Variants in MYO5B observed in about 807,000 individuals in gnomAD.
The protein encoded by MYO5B is myosin VB.
Under a neutral mutation model 229.3 loss-of-function variants are expected in MYO5B, and 143 were observed. The ratio of observed to expected loss-of-function variants is 0.62; its 90% confidence interval spans 0.54 to 0.72. The LOEUF is 0.72. Among genes scored for constraint, MYO5B ranks in the 30% least tolerant of loss-of-function variants. The pLI is 0.00. For missense variants in MYO5B, 2,321 were observed against 2,331.0 expected, an observed-to-expected ratio of 1.00 and a Z score of 0.09; for synonymous variants, 918 against 885.2, an observed-to-expected ratio of 1.04 and a Z score of -0.66.
chr18:49,993,641 C>T (rs1344860690), intron 5 of MYO5B, among the ~76,000 whole-genome samples: 1 of 152,078 alleles, frequency 6.6e-6, no homozygotes, highest in Non-Finnish European at 1.5e-5. Flanking sequence ...TAGAGGATGC[C>T]AAGTTCCAAA....
chr18:50,139,755 C>A (rs1209079333), intron 1 of MYO5B, among the ~76,000 whole-genome samples: 1 of 152,146 alleles, frequency 6.6e-6, no homozygotes, highest in African/African-American at 2.4e-5. Flanking sequence ...CCCACCAGCT[C>A]CAAAGCAAAG....
At chr18:50,071,972 C>G (rs2030966747) in intron 1 of MYO5B, among the ~76,000 whole-genome samples, 1 of 152,186 alleles carries the variant, frequency 6.6e-6, no homozygotes, top group Admixed American at 6.5e-5. Context: ...CACAGACCAT[C>G]TAGCTTCCAT....
At chr18:49,877,122 TAC>T (rs766881623) in intron 25 of MYO5B, among the ~76,000 whole-genome samples, 20 of 150,312 alleles carry the variant, frequency 1.3e-4, no homozygotes, top group East Asian at 4.0e-4. Flanking sequence ...GTTCTGTGTG[TAC>T]GTGCGCGCAC....
chr18:50,133,284 A>C (rs879593657), intron 1 of MYO5B, among the ~76,000 whole-genome samples: 4 of 152,212 alleles, frequency 2.6e-5, no homozygotes, highest in Admixed American at 1.3e-4. Flanking sequence ...AAATTGGAAA[A>C]GGTAAAAATA....
intron 8 of MYO5B, 95 bp from the exon 9 acceptor site, chr18:49,980,648 G>A (rs1440359135): frequency 1.1e-6 from 1 of 903,518 alleles, no homozygotes; most frequent in African/African-American, 1.7e-5. Context: ...TTTTAATAAG[G>A]TTTGATTTTT....
intron 9 of MYO5B, among the ~76,000 whole-genome samples, chr18:49,975,853 T>C (rs2025744738): frequency 6.6e-6 from 1 of 152,202 alleles, no homozygotes; most frequent in African/African-American, 2.4e-5. Context: ...CAGCTGCCTC[T>C]ACTGACTATG....
At chr18:49,909,017 T>C (rs951706068) in intron 18 of MYO5B, among the ~76,000 whole-genome samples, 1 of 152,076 alleles carries the variant, frequency 6.6e-6, no homozygotes, top group Non-Finnish European at 1.5e-5. Flanking sequence ...TCCAGGAAGG[T>C]GGTCTTTAAG....
intron 4 of MYO5B, among the ~76,000 whole-genome samples, chr18:50,030,465 T>G (rs1178309919): frequency 6.6e-6 from 1 of 152,158 alleles, no homozygotes; most frequent in Non-Finnish European, 1.5e-5. Context: ...TTTTTCACGA[T>G]GGACACTCAT....
At position 50,116,230 on chromosome 18, in the gene MYO5B, G is replaced by A. The variant is rs146983174; in HGVS notation, c.28-60852C>T. 8.5e-5 allele frequency among the ~76,000 whole-genome samples: 13 copies of A among 152,198 alleles called. 1 individual carries two copies. In the East Asian group the frequency reaches 2.3e-3, roughly 27 times the overall value. The stretch of plus-strand genomic sequence containing the variant: ...TCACCATCATCCCCCTACGTGTGGC[G>A]ATCCATGCCCACAACAGCCTTCTCT... On this transcript the variant is annotated intron_variant, in intron 1 of 39. Coordinates refer to ENST00000285039, the MANE Select transcript of MYO5B (RefSeq NM_001080467.3).
intron 5 of MYO5B, among the ~76,000 whole-genome samples, chr18:49,994,150 G>C (rs73959838): frequency 0.047 from 7,073 of 152,046 alleles, 194 homozygotes; most frequent in Non-Finnish European, 0.064. Flanking sequence ...CCCGAGACTA[G>C]GGGAGCACCT....
At chr18:50,083,351 T>C (rs1239000722) in intron 1 of MYO5B, among the ~76,000 whole-genome samples, 6 of 152,158 alleles carry the variant, frequency 3.9e-5, no homozygotes, top group Admixed American at 3.9e-4. Flanking sequence ...CCAGCCCCTT[T>C]CCTCTCCCAG....
intron 1 of MYO5B, among the ~76,000 whole-genome samples, chr18:50,100,166 G>A (rs763661888): frequency 6.6e-6 from 1 of 152,214 alleles, no homozygotes; most frequent in Non-Finnish European, 1.5e-5. Flanking sequence ...TTTTCTACAT[G>A]AGCACATCTG....
chr18:50,115,547 G>GAGAC (rs1212559551), intron 1 of MYO5B, among the ~76,000 whole-genome samples: 6 of 125,062 alleles, frequency 4.8e-5, no homozygotes, highest in African/African-American at 1.1e-4. Context: ...CACACAGAGA[G>GAGAC]ACACACACAC....
intron 17 of MYO5B, among the ~76,000 whole-genome samples, chr18:49,928,381 C>T (rs906075287): frequency 3.3e-5 from 5 of 152,304 alleles, no homozygotes; most frequent in East Asian, 1.9e-4. Flanking sequence ...TGGTGGCTCA[C>T]GCCTGTCATC....
At chr18:50,066,777 T>G (rs2030830525) in intron 1 of MYO5B, among the ~76,000 whole-genome samples, 1 of 152,196 alleles carries the variant, frequency 6.6e-6, no homozygotes, top group Non-Finnish European at 1.5e-5. Context: ...CCATCCTGCT[T>G]CTGAGATGAA....
intron 16 of MYO5B, among the ~76,000 whole-genome samples, chr18:49,932,430 G>C (rs1364313737): frequency 6.6e-6 from 1 of 152,200 alleles, no homozygotes; most frequent in Non-Finnish European, 1.5e-5. Flanking sequence ...TTCGTGACCA[G>C]CTCAGCAAAT....
intron 1 of MYO5B, among the ~76,000 whole-genome samples, chr18:50,135,784 C>A (rs2032326012): frequency 6.6e-6 from 1 of 152,166 alleles, no homozygotes; most frequent in South Asian, 2.1e-4. Flanking sequence ...AGGAGGTGAC[C>A]TGGAGACCCT....
At chr18:50,112,495 C>T (rs2031883874) in intron 1 of MYO5B, among the ~76,000 whole-genome samples, 1 of 152,218 alleles carries the variant, frequency 6.6e-6, no homozygotes, top group African/African-American at 2.4e-5. Context: ...AAGACGGCCG[C>T]ATGGGACCCC....
chr18:50,043,006 C>G (rs1050072448), intron 2 of MYO5B, among the ~76,000 whole-genome samples: 6 of 151,980 alleles, frequency 3.9e-5, no homozygotes, highest in Non-Finnish European at 8.8e-5. Flanking sequence ...AATACAACCA[C>G]TATGGAAAAT....
Sources: allele counts gnomAD v4.1 joint callset (sites outside exome capture counted in the v4.1 genomes callset), GRCh38; gene constraint gnomAD v4.1.1; transcripts MANE v1.5; gene names NCBI Gene and HGNC (gene_info 2026-07-23, HGNC 2026-07-21).